WWC1: variants seen among roughly 807,000 people sequenced by gnomAD.
WWC1 encodes protein KIBRA.
A neutral mutation model predicts 138.4 loss-of-function variants in WWC1; 55 were observed. The ratio of observed to expected loss-of-function variants is 0.40; its 90% CI spans 0.32 to 0.50. WWC1 has a LOEUF of 0.50. Among genes scored for constraint, WWC1 ranks in the 20% least tolerant of loss-of-function variants. WWC1 has a pLI of 0.72. For missense variants in WWC1, 1,226 were observed against 1,420.4 expected (o/e 0.86, Z 2.20); for synonymous variants, 524 against 564.9 (o/e 0.93, Z 1.03).
chr5:168,440,806 C>T (rs958899422), intron 15 of WWC1, among the ~76,000 whole-genome samples: 8 of 152,278 alleles, frequency 5.3e-5, no homozygotes, highest in Non-Finnish European at 7.4e-5. Context: ...CGTGAGCCAC[C>T]GCGCCCGGCC....
intron 16 of WWC1, among the ~76,000 whole-genome samples, chr5:168,443,694 A>G (rs960393088): frequency 6.6e-6 from 1 of 152,192 alleles, no homozygotes; most frequent in African/African-American, 2.4e-5. Context: ...AGTGCCTGCT[A>G]TATACCAGGC....
intron 1 of WWC1, among the ~76,000 whole-genome samples, chr5:168,337,539 C>CA (rs1360075704): frequency 1.4e-4 from 21 of 152,198 alleles, no homozygotes; most frequent in Non-Finnish European, 2.4e-4. Flanking sequence ...AAAATGTCAA[C>CA]AGGTCTCACA....
At position 168,419,349 on chromosome 5, in the gene WWC1, A is replaced by T. The variant is rs376677681; in HGVS notation, c.1185-2659A>T. ...TGCAGGTCTTTCAGCAGAGCTCATA[A>T]ACTGTGCCTGGCTTCATCTGGAGAA... On this transcript the variant is annotated intron_variant, in intron 9 of 22. Transcript: ENST00000265293. Among the ~76,000 whole-genome samples the T allele has an allele frequency of 9.5e-3, 959 of 100,658 alleles. 13 individuals carry two copies. Among genetic ancestry groups the T allele is most frequent in the African/African-American group, 0.057 (920 of 16,130 alleles). 66.0% of individuals were successfully genotyped at this position (100,658 alleles called of 152,430 possible).
At chr5:168,324,206 C>T (rs995133966) in intron 1 of WWC1, among the ~76,000 whole-genome samples, 1 of 152,130 alleles carries the variant, frequency 6.6e-6, no homozygotes, top group East Asian at 1.9e-4. Flanking sequence ...GAGGCTGAGG[C>T]GAGCGGATCA....
intron 5 of WWC1, among the ~76,000 whole-genome samples, chr5:168,403,079 T>TTTCTTTCTTTCTTTCC (rs1491364364): frequency 5.2e-5 from 5 of 95,842 alleles, no homozygotes; most frequent in South Asian, 3.5e-4. Flanking sequence ...TCTTTCTTTC[T>TTTCTTTCTTTCTTTCC]TTTCTTTCTT....
intron 3 of WWC1, among the ~76,000 whole-genome samples, chr5:168,396,086 A>G (rs1187862068): frequency 1.3e-5 from 2 of 152,150 alleles, no homozygotes; most frequent in African/African-American, 4.8e-5. Flanking sequence ...TGAACATTAA[A>G]GAGTGTTCAG....
chr5:168,442,744 G>T (rs1311760909), intron 16 of WWC1, among the ~76,000 whole-genome samples: 1 of 151,492 alleles, frequency 6.6e-6, no homozygotes, highest in Non-Finnish European at 1.5e-5. Context: ...GGCTGAGGCA[G>T]GAGAATTGCT....
intron 1 of WWC1, among the ~76,000 whole-genome samples, chr5:168,295,474 T>A (rs11134503): frequency 0.59 from 88,619 of 150,418 alleles, 27,369 homozygotes; most frequent in East Asian, 0.82. Context: ...GCACTAAAAA[T>A]TTCTACTCCG....
At chr5:168,314,741 G>A (rs1216904573) in intron 1 of WWC1, among the ~76,000 whole-genome samples, 1 of 152,172 alleles carries the variant, frequency 6.6e-6, no homozygotes, top group Non-Finnish European at 1.5e-5. Context: ...CTCCAGGTGT[G>A]GGACTGGGTA....
intron 1 of WWC1, among the ~76,000 whole-genome samples, chr5:168,344,710 G>A (rs899284667): frequency 6.6e-6 from 1 of 152,218 alleles, no homozygotes; most frequent in Non-Finnish European, 1.5e-5. Flanking sequence ...AGCAGGGGCT[G>A]CTTGACAAAG....
At chr5:168,422,662 C>T (rs4976604) in intron 10 of WWC1, among the ~76,000 whole-genome samples, 148,806 of 152,238 alleles carry the variant, frequency 0.98, 72,765 homozygotes, top group Middle Eastern at 1. Flanking sequence ...CACCTACCTG[C>T]ACAACACAGA....
Position 168,414,569 on chromosome 5 carries a change from A to G in WWC1, c.1163A>G (p.Gln388Arg). Residue 388 changes from glutamine to arginine, a missense_variant, in exon 9 of 23, where the codon CAG (glutamine) becomes CGG (arginine). By Grantham distance (43) the Gln-to-Arg change is conservative (BLOSUM62 1). Around this residue, in one of 3 missense-constraint regions of WWC1, gnomAD observed 1,016 missense variants for 1,153.9 expected, o/e 0.88. Coordinates refer to ENST00000265293, the MANE Select transcript of WWC1 (RefSeq NM_015238.3). Reference sequence around the variant, plus strand: ...GACCTGCAGGCAGCCCGGGACACCCAGAGCAAGGCGCTGACGGAGAGGTGG... The same window carrying G: ...GACCTGCAGGCAGCCCGGGACACCCGGAGCAAGGCGCTGACGGAGAGGTGG... ...EKDLQAARDT[Q>R]SKALTERLKL... The G allele has an allele frequency of 6.4e-7, 1 of 1,552,840 alleles. No individual in the cohort carries two copies.
chr5:168,308,286 TACAG>T (rs1484092910), intron 1 of WWC1, among the ~76,000 whole-genome samples: 2 of 115,006 alleles, frequency 1.7e-5, no homozygotes, highest in Non-Finnish European at 1.9e-5. Context: ...ACATGGATCT[TACAG>T]ACAAATAATA....
intron 2 of WWC1, among the ~76,000 whole-genome samples, chr5:168,372,053 T>TTGTGTGGGTGTG (rs1776798118): frequency 7.1e-6 from 1 of 141,260 alleles, no homozygotes; most frequent in Admixed American, 7.1e-5. Flanking sequence ...AAGAGTGTGT[T>TTGTGTGGGTGTG]TGTGTGTGTG....
chr5:168,408,599 C>T lies in WWC1; in HGVS notation c.813C>T (p.Phe271=). The part of the protein sequence containing the change: ...SSSSSLESSS[F]PLPKQYLDVS... ...GCAGCTCTCTGGAGAGTTCGAGTTT[C>T]CCGCTACCGAAACAGTACCTGGATG... Residue 271 remains phenylalanine (F), a synonymous_variant, in exon 7 of 23, where the codon TTC becomes TTT. Transcript: ENST00000265293. The T allele has an allele frequency of 6.2e-7, 1 of 1,614,196 alleles. No individual in the cohort carries two copies. The highest frequency in any genetic ancestry group is 8.5e-7 in the Non-Finnish European group (1 of 1,180,040).
At chr5:168,316,983 A>G (rs1181865064) in intron 1 of WWC1, among the ~76,000 whole-genome samples, 1 of 152,220 alleles carries the variant, frequency 6.6e-6, no homozygotes, top group Non-Finnish European at 1.5e-5. Context: ...AAAAAGAGTA[A>G]AGTGACAATA....
intron 2 of WWC1, among the ~76,000 whole-genome samples, chr5:168,374,122 G>A (rs114066487): frequency 0.011 from 1,680 of 151,496 alleles, 24 homozygotes; most frequent in African/African-American, 0.039. Context: ...ATTCACCATC[G>A]AGCATTCATT....
chr5:168,339,865 C>CTT (rs1773850272), intron 1 of WWC1, among the ~76,000 whole-genome samples: 1 of 129,788 alleles, frequency 7.7e-6, no homozygotes, highest in Non-Finnish European at 1.6e-5. Context: ...CTCTTTCTCT[C>CTT]TCTCTCTCTC....
intron 1 of WWC1, among the ~76,000 whole-genome samples, chr5:168,357,475 T>G (rs1401447621): frequency 7.1e-6 from 1 of 141,498 alleles, no homozygotes; most frequent in Admixed American, 7.0e-5. Context: ...TGTGTGTGTG[T>G]GTGTGTGTGT....
Sources: gnomAD v4.1 joint callset for allele counts (sites outside exome capture counted in the v4.1 genomes callset) on GRCh38, gnomAD v4.1.1 for gene constraint, gnomAD v4.1.1 regional missense constraint, MANE v1.5 for transcripts, NCBI Gene and HGNC (gene_info 2026-07-23, HGNC 2026-07-21) for gene names.